ZNF521: variants seen among roughly 807,000 people sequenced by gnomAD.
ZNF521 encodes LYST-interacting protein 3.
Under a neutral mutation model 105.5 loss-of-function variants are expected in ZNF521, and 14 were observed. The observed-to-expected ratio is 0.13, with a 90% CI of 0.09 to 0.21. The LOEUF (loss-of-function observed/expected upper bound fraction) is 0.21. Ranked by LOEUF, ZNF521 falls within the 10% of genes least tolerant of loss-of-function variation. The pLI is 1.00. For synonymous variants in ZNF521, 635 were observed against 606.0 expected (o/e 1.05, Z -0.70); for missense variants, 1,233 against 1,629.7 (o/e 0.76, Z 4.19).
At chr18:25,122,760 C>T (rs1010819573) in intron 5 of ZNF521, among the ~76,000 whole-genome samples, 7 of 151,428 alleles carry the variant, frequency 4.6e-5, no homozygotes, top group Non-Finnish European at 7.4e-5. Context: ...TTGTGGGTGG[C>T]ACAGAAAAAA....
At chr18:25,334,664 A>T (rs1182553093) in intron 2 of ZNF521, among the ~76,000 whole-genome samples, 1 of 152,214 alleles carries the variant, frequency 6.6e-6, no homozygotes. Context: ...TGAATATAAA[A>T]GTTCACACAA....
intron 5 of ZNF521, among the ~76,000 whole-genome samples, chr18:25,183,198 C>A (rs1243359714): frequency 6.6e-6 from 1 of 152,078 alleles, no homozygotes; most frequent in Non-Finnish European, 1.5e-5. Context: ...TGATAATATG[C>A]TATGAATGGA....
At chr18:25,299,894 C>T (rs779137938) in intron 3 of ZNF521, among the ~76,000 whole-genome samples, 15 of 152,308 alleles carry the variant, frequency 9.8e-5, no homozygotes, top group Admixed American at 4.6e-4. Flanking sequence ...GTGACCACAA[C>T]GATAACTGCC....
chr18:25,306,062 A>G (rs1911957500), intron 3 of ZNF521, among the ~76,000 whole-genome samples: 1 of 152,348 alleles, frequency 6.6e-6, no homozygotes, highest in South Asian at 2.1e-4. Flanking sequence ...CAATTTAGTC[A>G]GCCATTTGCC....
intron 4 of ZNF521, among the ~76,000 whole-genome samples, chr18:25,215,858 T>C (rs536804828): frequency 1.3e-4 from 20 of 152,280 alleles, no homozygotes; most frequent in African/African-American, 4.8e-4. Flanking sequence ...GCCAGGGCCG[T>C]TGACTCCCTG....
Position 25,281,571 on chromosome 18 carries a change from C to T in ZNF521, c.220+40437G>A, listed in dbSNP as rs143664797. On this transcript the variant is annotated intron_variant, in intron 3 of 7. Transcript: ENST00000361524. Reference sequence around the variant, plus strand: ...CATTGAACACTATGTTCTAAACTCACACTGTGTCTGACATGCATAATCTCC... The same window carrying T: ...CATTGAACACTATGTTCTAAACTCATACTGTGTCTGACATGCATAATCTCC... Among the ~76,000 whole-genome samples, 33 of 152,322 alleles carry T rather than the reference C, an allele frequency of 2.2e-4. No homozygotes were observed. The East Asian group carries it at 5.8e-3, about 27-fold the overall frequency.
intron 7 of ZNF521, among the ~76,000 whole-genome samples, chr18:25,079,146 A>C (rs1162177497): frequency 6.6e-6 from 1 of 152,228 alleles, no homozygotes; most frequent in African/African-American, 2.4e-5. Context: ...ATCGCATGGC[A>C]GATGGCGCCA....
intron 5 of ZNF521, among the ~76,000 whole-genome samples, chr18:25,102,609 C>A (rs2144262982): frequency 6.6e-6 from 1 of 152,102 alleles, no homozygotes; most frequent in South Asian, 2.1e-4. Flanking sequence ...CTCCCTGCAG[C>A]CTCAAGCTCC....
chr18:25,198,962 C>T (rs1334543290), intron 4 of ZNF521, among the ~76,000 whole-genome samples: 1 of 151,862 alleles, frequency 6.6e-6, no homozygotes, highest in Admixed American at 6.6e-5. Context: ...TTACTCTAAC[C>T]AGACTATTTA....
At chr18:25,104,787 A>G (rs1209314380) in intron 5 of ZNF521, among the ~76,000 whole-genome samples, 3 of 152,212 alleles carry the variant, frequency 2.0e-5, no homozygotes, top group Non-Finnish European at 4.4e-5. Context: ...CAGTTCAGAA[A>G]TTGAAACAAG....
At chr18:25,181,691 T>C (rs1255678681) in intron 5 of ZNF521, among the ~76,000 whole-genome samples, 7 of 152,186 alleles carry the variant, frequency 4.6e-5, no homozygotes, top group East Asian at 3.9e-4. Context: ...TATCTACCTA[T>C]GCATTAGATA....
intron 7 of ZNF521, among the ~76,000 whole-genome samples, chr18:25,076,462 A>G (rs1258834675): frequency 1.3e-5 from 2 of 152,202 alleles, no homozygotes; most frequent in Non-Finnish European, 2.9e-5. Context: ...AGGGTAAACA[A>G]ATATTGAAAT....
At chr18:25,074,664 C>T (rs1056783257) in intron 7 of ZNF521, among the ~76,000 whole-genome samples, 6 of 152,114 alleles carry the variant, frequency 3.9e-5, no homozygotes, top group African/African-American at 9.6e-5. Flanking sequence ...TTGTCTTATA[C>T]TCTTTAAGGT....
chr18:25,110,139 A>G (rs2034155567), intron 5 of ZNF521, among the ~76,000 whole-genome samples: 1 of 152,238 alleles, frequency 6.6e-6, no homozygotes, highest in Non-Finnish European at 1.5e-5. Flanking sequence ...GAAAGACAGG[A>G]GACAGCAGAG....
At chr18:25,314,031 G>T (rs1295794667) in intron 3 of ZNF521, among the ~76,000 whole-genome samples, 1 of 151,974 alleles carries the variant, frequency 6.6e-6, no homozygotes, top group African/African-American at 2.4e-5. Flanking sequence ...ACACTTAAAT[G>T]ATTAATAACA....
intron 4 of ZNF521, among the ~76,000 whole-genome samples, chr18:25,198,552 C>A (rs577787039): frequency 4.6e-5 from 7 of 151,626 alleles, no homozygotes; most frequent in South Asian, 2.1e-4. Context: ...GCTTTGATTT[C>A]TTTTACCAAA....
At chr18:25,172,429 C>T (rs915427441) in intron 5 of ZNF521, among the ~76,000 whole-genome samples, 5 of 152,140 alleles carry the variant, frequency 3.3e-5, no homozygotes, top group Admixed American at 6.5e-5. Flanking sequence ...CCATTTCAGT[C>T]ATGACCTCTA....
intron 2 of ZNF521, among the ~76,000 whole-genome samples, chr18:25,333,314 C>CTCTCTCTA (rs572058933): frequency 1.6e-4 from 24 of 145,710 alleles, no homozygotes; most frequent in African/African-American, 5.2e-4. Flanking sequence ...CTCTCTCTCT[C>CTCTCTCTA]TATATATATA....
At chr18:25,104,008 A>G (rs1180457145) in intron 5 of ZNF521, among the ~76,000 whole-genome samples, 3 of 152,200 alleles carry the variant, frequency 2.0e-5, no homozygotes, top group African/African-American at 7.2e-5. Context: ...GGATTAGTTA[A>G]TAAGTCTATC....
Sources: allele counts gnomAD v4.1 joint callset (sites outside exome capture counted in the v4.1 genomes callset), GRCh38; gene constraint gnomAD v4.1.1; transcripts MANE v1.5; gene names NCBI Gene and HGNC (gene_info 2026-07-23, HGNC 2026-07-21).